Variants in HECW1 observed in about 807,000 individuals in gnomAD.
The protein encoded by HECW1 is E3 ubiquitin-protein ligase HECW1.
HECW1 carries 61 observed loss-of-function variants against 182.3 expected under a neutral mutation model. The observed-to-expected ratio is 0.33, with a 90% CI of 0.27 to 0.41. HECW1 has a LOEUF of 0.41. Among genes scored for constraint, HECW1 ranks in the 10% least tolerant of loss-of-function variants. The probability of loss-of-function intolerance (pLI) is 1.00; values close to 1 mark genes in which losing one functional copy is unlikely to be tolerated. For synonymous variants in HECW1, 859 were observed against 832.6 expected, an observed-to-expected ratio of 1.03 and a Z score of -0.55; for missense variants, 1,739 against 2,108.9, an observed-to-expected ratio of 0.82 and a Z score of 3.44.
At chr7:43,174,514 C>T (rs1174949513) in intron 2 of HECW1, among the ~76,000 whole-genome samples, 1 of 152,176 alleles carries the variant, frequency 6.6e-6, no homozygotes, top group Non-Finnish European at 1.5e-5. Context: ...CAGTGTCAAT[C>T]CAGATCAAGA....
Position 43,201,189 on chromosome 7 carries a change from G to T in HECW1, c.-31-42686G>T, listed in dbSNP as rs571405361. Reference sequence around the variant, plus strand: ...TTTTCATCAAAATGTCCCTTGACTGGCCTGCCCAAGTCCCTCCTGCTCTCT... The same window carrying T: ...TTTTCATCAAAATGTCCCTTGACTGTCCTGCCCAAGTCCCTCCTGCTCTCT... On this transcript the variant is annotated intron_variant, in intron 2 of 29. Transcript: ENST00000395891. Among the ~76,000 whole-genome samples, 5 of 152,292 alleles carry T rather than the reference G, an allele frequency of 3.3e-5. No individual in the cohort carries two copies. In the South Asian group the frequency reaches 1.0e-3, roughly 32 times the overall value.
chr7:43,318,776 T>C (rs1047855109), intron 4 of HECW1, among the ~76,000 whole-genome samples: 1 of 152,236 alleles, frequency 6.6e-6, no homozygotes, highest in African/African-American at 2.4e-5. Context: ...AGGGCAATCA[T>C]GAAAAGGGCT....
chr7:43,540,081 T>G (rs1363674563), intron 24 of HECW1, among the ~76,000 whole-genome samples: 2 of 152,308 alleles, frequency 1.3e-5, no homozygotes, highest in Admixed American at 1.3e-4. Flanking sequence ...ATCAACTACT[T>G]CAAACATACC....
chr7:43,403,471 C>T (rs1157542380), intron 7 of HECW1, among the ~76,000 whole-genome samples: 1 of 152,162 alleles, frequency 6.6e-6, no homozygotes, highest in African/African-American at 2.4e-5. Context: ...CTCTGGTGAT[C>T]AACCTTTGAT....
At chr7:43,303,156 G>T (rs1251730443) in intron 3 of HECW1, among the ~76,000 whole-genome samples, 1 of 152,092 alleles carries the variant, frequency 6.6e-6, no homozygotes, top group Non-Finnish European at 1.5e-5. Flanking sequence ...CAACTTCGCT[G>T]CTGAACGCCT....
intron 3 of HECW1, among the ~76,000 whole-genome samples, chr7:43,299,070 G>A (rs1474258085): frequency 2.6e-5 from 4 of 152,200 alleles, no homozygotes; most frequent in African/African-American, 9.7e-5. Context: ...ATGGCAGTGA[G>A]TGCCCTTGAA....
At chr7:43,512,165 A>G (rs2079906555) in intron 24 of HECW1, 1 of 222,914 alleles carries the variant, frequency 4.5e-6, no homozygotes, top group Non-Finnish European at 9.0e-6. Context: ...TGCATCACTC[A>G]TAAGGAAACG....
At chr7:43,194,084 T>G (rs548190298) in intron 2 of HECW1, among the ~76,000 whole-genome samples, 1 of 152,280 alleles carries the variant, frequency 6.6e-6, no homozygotes, top group African/African-American at 2.4e-5. Context: ...GGATCTCTTT[T>G]AATGTTAATG....
chr7:43,345,424 A>C (rs12540611), intron 5 of HECW1, among the ~76,000 whole-genome samples: 7,580 of 151,968 alleles, frequency 0.05, 218 homozygotes, highest in Middle Eastern at 0.075. Context: ...TTTTATTTTT[A>C]TTTTTATTAT....
At chr7:43,210,450 AGTGTGTGTGT>A (rs57987187) in intron 2 of HECW1, among the ~76,000 whole-genome samples, 2 of 145,510 alleles carry the variant, frequency 1.4e-5, no homozygotes, top group African/African-American at 5.1e-5. Context: ...AGTAGAAGTG[AGTGTGTGTGT>A]GTGTGTGTGT....
rs1790180095 is a variant in HECW1, at chr7:43,158,859, A to G, written c.-32+44468A>G. On this transcript the variant is annotated intron_variant, in intron 2 of 29. Transcript: ENST00000395891. ...TCAAGTGTCTCATCTAGTTCCTCCT[A>G]GGACCCTGACTTATGCACCAAGAGA... Among the ~76,000 whole-genome samples the G allele has an allele frequency of 2.0e-5, 3 of 152,228 alleles. 1 individual carries two copies. The South Asian group carries it at 6.2e-4, about 31-fold the overall frequency.
chr7:43,504,544 C>T (rs1252930104), intron 21 of HECW1, among the ~76,000 whole-genome samples: 1 of 152,244 alleles, frequency 6.6e-6, no homozygotes, highest in Non-Finnish European at 1.5e-5. Context: ...CAGAGCTTCA[C>T]CCCTAGATGA....
intron 8 of HECW1, among the ~76,000 whole-genome samples, chr7:43,414,716 T>C (rs930986450): frequency 6.0e-5 from 9 of 148,882 alleles, no homozygotes; most frequent in African/African-American, 2.0e-4. Flanking sequence ...GAGATAATCA[T>C]GTGGTTTTTG....
intron 13 of HECW1, 75 bp downstream of exon 13, chr7:43,456,522 C>T: frequency 2.8e-6 from 4 of 1,440,330 alleles, no homozygotes; most frequent in South Asian, 2.6e-5. Context: ...GCTCCCCTTA[C>T]ACTTTTCTGC....
intron 3 of HECW1, among the ~76,000 whole-genome samples, chr7:43,297,308 A>T (rs886552): frequency 0.23 from 34,559 of 152,126 alleles, 5,095 homozygotes; most frequent in East Asian, 0.46. Flanking sequence ...TCACAATTAC[A>T]CTTGTTTGTT....
intron 2 of HECW1, among the ~76,000 whole-genome samples, chr7:43,176,523 A>T (rs1311318160): frequency 6.6e-6 from 1 of 152,058 alleles, no homozygotes; most frequent in Admixed American, 6.6e-5. Flanking sequence ...ACTGGTGGGG[A>T]CTCTGCAGAG....
At chr7:43,221,717 C>A (rs4724188) in intron 2 of HECW1, among the ~76,000 whole-genome samples, 1 of 151,652 alleles carries the variant, frequency 6.6e-6, no homozygotes, top group South Asian at 2.1e-4. Context: ...CCACGCCCGG[C>A]TAATTTTTTG....
intron 6 of HECW1, among the ~76,000 whole-genome samples, chr7:43,380,301 C>T (rs530304022): frequency 3.7e-4 from 57 of 152,168 alleles, no homozygotes; most frequent in African/African-American, 1.3e-3. Context: ...TGGGCTCAAG[C>T]GATTCTCCTG....
intron 24 of HECW1, among the ~76,000 whole-genome samples, chr7:43,520,325 G>T (rs894875475): frequency 6.6e-6 from 1 of 151,920 alleles, no homozygotes; most frequent in Non-Finnish European, 1.5e-5. Context: ...TACTGTCTAC[G>T]AAATGGAGTC....
Sources: gnomAD v4.1 joint callset for allele counts (sites outside exome capture counted in the v4.1 genomes callset) on GRCh38, gnomAD v4.1.1 for gene constraint, MANE v1.5 for transcripts, NCBI Gene and HGNC (gene_info 2026-07-23, HGNC 2026-07-21) for gene names.